MTBP: variants seen among roughly 807,000 people sequenced by gnomAD.
The protein encoded by MTBP is mdm2-binding protein.
Under a neutral mutation model 117.0 loss-of-function variants are expected in MTBP, and 101 were observed. The observed-to-expected ratio is 0.86, with a 90% CI of 0.73 to 1.02. MTBP has a LOEUF of 1.02. Among genes scored for constraint, MTBP ranks in the 50% least tolerant of loss-of-function variants. The pLI is 0.00. For synonymous variants in MTBP, 350 were observed against 351.5 expected (o/e 1.00, Z 0.05); for missense variants, 970 against 1,030.9 (o/e 0.94, Z 0.81).
intron 11 of MTBP, among the ~76,000 whole-genome samples, chr8:120,487,739 A>G (rs183811217): frequency 6.6e-6 from 1 of 152,360 alleles, no homozygotes; most frequent in East Asian, 1.9e-4. Context: ...TGCAAGAAGC[A>G]AAAAGGGCAA....
chr8:120,455,399 T>C lies in MTBP; in HGVS notation c.485-36T>C, dbSNP rs765791621. Reference sequence around the variant, plus strand: ...TTTTGAGACATTTCAGATCTAACTTTTTAAAAATTACAAAAATGCCTTTTT... The same window carrying C: ...TTTTGAGACATTTCAGATCTAACTTCTTAAAAATTACAAAAATGCCTTTTT... On this transcript the variant is annotated intron_variant, in intron 5 of 21. Transcript: ENST00000305949. 14 of 1,461,880 alleles carry C rather than the reference T, an allele frequency of 9.6e-6. No homozygotes were observed. The South Asian group carries it at 1.6e-4, about 16-fold the overall frequency. The allele number at this position is 1,461,880 out of a possible 1,614,324, so 90.6% of individuals were successfully genotyped here.
intron 13 of MTBP, among the ~76,000 whole-genome samples, chr8:120,493,756 G>A (rs535600240): frequency 6.6e-6 from 1 of 152,120 alleles, no homozygotes; most frequent in Non-Finnish European, 1.5e-5. Context: ...CTCCCAAAGT[G>A]CTGGGATTAC....
intron 14 of MTBP, among the ~76,000 whole-genome samples, chr8:120,500,657 T>A (rs938327940): frequency 3.3e-5 from 5 of 152,250 alleles, no homozygotes; most frequent in African/African-American, 1.2e-4. Flanking sequence ...CAGTTCAATA[T>A]AGGTATTGAA....
At chr8:120,475,483 A>G (rs1232817593) in intron 11 of MTBP, among the ~76,000 whole-genome samples, 1 of 151,970 alleles carries the variant, frequency 6.6e-6, no homozygotes, top group Non-Finnish European at 1.5e-5. Flanking sequence ...CCTAGGTTTC[A>G]TCCTTTGATG....
intron 14 of MTBP, 135 bp downstream of exon 14, chr8:120,497,689 G>C: frequency 1.7e-6 from 1 of 588,094 alleles, no homozygotes; most frequent in Non-Finnish European, 2.9e-6. Context: ...TACTTATATA[G>C]ATACAAGTAT....
At chr8:120,474,526 C>G (rs895293726) in intron 11 of MTBP, among the ~76,000 whole-genome samples, 2 of 152,024 alleles carry the variant, frequency 1.3e-5, no homozygotes, top group Non-Finnish European at 2.9e-5. Flanking sequence ...CACCATGACT[C>G]TGTTTCTCCA....
rs530448915 is a variant in MTBP at position 120,518,540 on chromosome 8, A to G, written c.2497-164A>G. The stretch of plus-strand genomic sequence containing the variant: ...ATTCCTGTGACACTTCTGACCATGT[A>G]AATGTTAGATCTTTTTTTTCTCAAT... On this transcript the variant is annotated intron_variant, in intron 19 of 21. Transcript: ENST00000305949. Among the ~76,000 whole-genome samples, 25 of 123,236 alleles carry G rather than the reference A, an allele frequency of 2.0e-4. 1 individual carries two copies. In the South Asian group the frequency reaches 6.6e-3, roughly 32 times the overall value. 80.8% of individuals were successfully genotyped at this position (123,236 alleles called of 152,430 possible). A position where few individuals can be genotyped will look rare whatever the true frequency, so the allele number is the denominator to read the frequency against.
chr8:120,477,350 T>C (rs965442324), intron 11 of MTBP, among the ~76,000 whole-genome samples: 1 of 152,130 alleles, frequency 6.6e-6, no homozygotes, highest in Non-Finnish European at 1.5e-5. Flanking sequence ...GGGCAAAGAC[T>C]TCATGAGTAA....
chr8:120,495,968 C>G (rs1249107164), intron 13 of MTBP, among the ~76,000 whole-genome samples: 1 of 152,066 alleles, frequency 6.6e-6, no homozygotes, highest in Non-Finnish European at 1.5e-5. Flanking sequence ...CTTCTCCCCC[C>G]CAACATTTGA....
chr8:120,520,231 C>T (rs941746502), intron 20 of MTBP, among the ~76,000 whole-genome samples: 11 of 152,048 alleles, frequency 7.2e-5, no homozygotes, highest in South Asian at 2.1e-4. Flanking sequence ...AGAAGATAAT[C>T]GCATCCATAA....
rs1814953978 is a variant in MTBP, at chr8:120,518,177, T to TA, written c.2496+83dup. On this transcript the variant is annotated intron_variant, in intron 19 of 21. Coordinates refer to ENST00000305949, the MANE Select transcript of MTBP (RefSeq NM_022045.5). The stretch of plus-strand genomic sequence containing the variant: ...ATTTGATTACTTTAAAATATATGTC[T>TA]AAAAAATTTTATGAATGAAATGAAA... The TA allele has an allele frequency of 2.8e-6, 4 of 1,430,252 alleles. No homozygotes were observed. In the South Asian group the frequency reaches 5.7e-5, roughly 20 times the overall value. 88.6% of individuals were successfully genotyped at this position (1,430,252 alleles called of 1,614,324 possible).
rs1285736498 is a variant in MTBP at position 120,497,543 on chromosome 8, A to G, written c.1598A>G (p.Asn533Ser). 6.7e-7 allele frequency: 1 copy of G among 1,494,996 alleles called. No homozygotes were observed. 92.6% of individuals were successfully genotyped at this position (1,494,996 alleles called of 1,614,324 possible). A position where few individuals can be genotyped will look rare whatever the true frequency, so the allele number is the denominator to read the frequency against. The stretch of plus-strand genomic sequence containing the variant: ...AAGATGGACAAAATTAAAACCTTCA[A>G]TATATTAAATGGTAAGTTTTTTATT... ...LRKMDKIKTFNILNDFSPVEP... is the reference protein window; with the variant it reads ...LRKMDKIKTFSILNDFSPVEP... Residue 533 changes from asparagine (N) to serine (S), a missense_variant, in exon 14 of 22, where the codon AAT (asparagine) becomes AGT (serine). Transcript: ENST00000305949.
At chr8:120,506,985 A>C (rs897967189) in intron 16 of MTBP, 124 bp downstream of exon 16, 14 of 786,000 alleles carry the variant, frequency 1.8e-5, no homozygotes, top group African/African-American at 3.6e-5. Flanking sequence ...GTTTGATCCC[A>C]ATGTTTGTCT....
intron 21 of MTBP, 39 bp from the exon 22 acceptor site, chr8:120,523,259 A>G (rs1256716751): frequency 1.4e-6 from 2 of 1,382,202 alleles, no homozygotes; most frequent in East Asian, 2.4e-5. Flanking sequence ...TTGTGTTTTC[A>G]AGAGAAATCT....
rs1217742267 is a variant in MTBP at position 120,466,413 on chromosome 8, G to A, written c.1047+2652G>A. Among the ~76,000 whole-genome samples the A allele has an allele frequency of 9.3e-5, 14 of 150,880 alleles. No individual in the cohort carries two copies. The East Asian group carries it at 9.9e-4, about 11-fold the overall frequency. On this transcript the variant is annotated intron_variant, in intron 10 of 21. Transcript: ENST00000305949. The stretch of plus-strand genomic sequence containing the variant: ...GTATATTTAGTGGAGACAGGGTTTC[G>A]TCATGTTGGCCAGGCTGGTCTTGAA...
At chr8:120,492,058 C>A (rs1399115752) in intron 13 of MTBP, among the ~76,000 whole-genome samples, 2 of 152,060 alleles carry the variant, frequency 1.3e-5, no homozygotes, top group African/African-American at 4.8e-5. Context: ...CTAGACTGGG[C>A]AAAGAGTAAG....
At chr8:120,503,985 C>A (rs1251925596) in intron 15 of MTBP, among the ~76,000 whole-genome samples, 2 of 152,078 alleles carry the variant, frequency 1.3e-5, no homozygotes, top group Non-Finnish European at 1.5e-5. Flanking sequence ...AAGAATTCTT[C>A]TTTAGGGATG....
chr8:120,497,429 C>A lies in MTBP; in HGVS notation c.1484C>A (p.Ser495Tyr). ...RKLAKQPETV[S>Y]VAELKSLLVL... is the part of the protein sequence containing the mutation. ...TTGGCAAAGCAGCCTGAAACAGTTTCTGTTGCTGAACTCAAAAGTCTGTTA... is the reference window on the plus strand; with the variant it reads ...TTGGCAAAGCAGCCTGAAACAGTTTATGTTGCTGAACTCAAAAGTCTGTTA... The change falls in exon 14 of 22, where the codon TCT (serine) becomes TAT (tyrosine). Residue 495 changes from serine to tyrosine, a missense_variant. Coordinates refer to ENST00000305949, the MANE Select transcript of MTBP (RefSeq NM_022045.5). 6.2e-7 allele frequency: 1 copy of A among 1,606,554 alleles called. No homozygotes were observed. The highest frequency in any genetic ancestry group is 8.5e-7 in the Non-Finnish European group (1 of 1,177,722).
At chr8:120,449,212 A>G (rs1813286628) in intron 2 of MTBP, among the ~76,000 whole-genome samples, 1 of 152,114 alleles carries the variant, frequency 6.6e-6, no homozygotes, top group African/African-American at 2.4e-5. Context: ...TTGAATTGGT[A>G]TGATGTAGAA....
Sources: gnomAD v4.1 joint callset for allele counts (sites outside exome capture counted in the v4.1 genomes callset) on GRCh38, gnomAD v4.1.1 for gene constraint, MANE v1.5 for transcripts, NCBI Gene and HGNC (gene_info 2026-07-23, HGNC 2026-07-21) for gene names.